ARHGAP22: variants seen among roughly 807,000 people sequenced by gnomAD.
ARHGAP22 encodes the protein rho GTPase-activating protein 22.
A neutral mutation model predicts 59.1 loss-of-function variants in ARHGAP22; 48 were observed. The ratio of observed to expected loss-of-function variants is 0.81; its 90% CI spans 0.64 to 1.03. The LOEUF is 1.03. Among genes scored for constraint, ARHGAP22 ranks in the 50% least tolerant of loss-of-function variants. ARHGAP22 has a pLI of 0.00. For synonymous variants in ARHGAP22, 445 were observed against 416.4 expected (o/e 1.07, Z -0.84); for missense variants, 1,015 against 958.7 (o/e 1.06, Z -0.78).
chr10:48,624,366 G>A (rs1268344750), intron 1 of ARHGAP22: 1 of 152,264 alleles, frequency 6.6e-6, no homozygotes. Flanking sequence ...GCTTGAACTT[G>A]GGAGGCAGAG....
downstream of ARHGAP22, chr10:48,444,385 C>CAGAT (rs1401133088): frequency 6.6e-6 from 1 of 152,214 alleles, no homozygotes; most frequent in African/African-American, 2.4e-5. Flanking sequence ...AGATGTTTTA[C>CAGAT]AGATAAGATG....
At chr10:48,626,212 A>G (rs1448955436) in intron 1 of ARHGAP22, among the ~76,000 whole-genome samples, 1 of 152,154 alleles carries the variant, frequency 6.6e-6, no homozygotes, top group African/African-American at 2.4e-5. Flanking sequence ...AGACTCACCC[A>G]GGGGGCTTTC....
chr10:48,539,587 G>A (rs969850297), intron 3 of ARHGAP22, among the ~76,000 whole-genome samples: 4 of 152,074 alleles, frequency 2.6e-5, no homozygotes, highest in Admixed American at 6.5e-5. Flanking sequence ...CACCACGCCC[G>A]GCCAACATTT....
At chr10:48,452,531 C>T (rs930821609) in intron 8 of ARHGAP22, among the ~76,000 whole-genome samples, 4 of 152,234 alleles carry the variant, frequency 2.6e-5, no homozygotes, top group East Asian at 1.9e-4. Flanking sequence ...AAAAGCACTC[C>T]GCCACGTCCC....
intron 3 of ARHGAP22, among the ~76,000 whole-genome samples, chr10:48,486,971 G>A (rs1417563325): frequency 6.6e-6 from 1 of 152,080 alleles, no homozygotes; most frequent in African/African-American, 2.4e-5. Flanking sequence ...TTGATGTTTT[G>A]TGTCTTTTTT....
chr10:48,496,012 G>A (rs1213346457), intron 3 of ARHGAP22, among the ~76,000 whole-genome samples: 1 of 152,112 alleles, frequency 6.6e-6, no homozygotes, highest in African/African-American at 2.4e-5. Context: ...GCCTTCAGAT[G>A]AGCCCACAGT....
upstream of ARHGAP22, among the ~76,000 whole-genome samples, chr10:48,608,477 T>G (rs552283805): frequency 6.6e-6 from 1 of 152,298 alleles, no homozygotes; most frequent in South Asian, 2.1e-4. Flanking sequence ...GCTTCCCCTG[T>G]TCCAGAAGCT....
intron 2 of ARHGAP22, among the ~76,000 whole-genome samples, chr10:48,576,101 A>T (rs1345111732): frequency 6.6e-6 from 1 of 152,182 alleles, no homozygotes; most frequent in East Asian, 1.9e-4. Context: ...CCACATCTGC[A>T]TTTTGTGTTC....
upstream of ARHGAP22, among the ~76,000 whole-genome samples, chr10:48,608,807 A>C (rs372160223): frequency 3.3e-5 from 5 of 152,366 alleles, 1 homozygote; most frequent in African/African-American, 1.2e-4. Flanking sequence ...TTTAGCAAGA[A>C]CATCATTAGA....
At position 48,584,925 on chromosome 10, in the gene ARHGAP22, C is replaced by T. The variant is rs530083181; in HGVS notation, c.35-1773G>A. ...AGGAGAATGGCCTGAATCCGGGAGG[C>T]GGAGCTTGCAGTGAGCTGAGATTGC... On this transcript the variant is annotated intron_variant, in intron 1 of 9. Coordinates refer to ENST00000249601, the MANE Select transcript of ARHGAP22 (RefSeq NM_021226.4). Among the ~76,000 whole-genome samples the T allele has an allele frequency of 6.3e-4, 94 of 149,830 alleles. 2 individuals carry two copies. In the South Asian group the frequency reaches 0.019, roughly 31 times the overall value.
At chr10:48,614,856 C>G (rs769299646) in intron 1 of ARHGAP22, among the ~76,000 whole-genome samples, 9 of 152,196 alleles carry the variant, frequency 5.9e-5, no homozygotes, top group Non-Finnish European at 1.3e-4. Flanking sequence ...TTTGTTTTGA[C>G]CTATTTGGTA....
intron 1 of ARHGAP22, among the ~76,000 whole-genome samples, chr10:48,586,448 A>T (rs2059428603): frequency 6.6e-6 from 1 of 152,162 alleles, no homozygotes; most frequent in Non-Finnish European, 1.5e-5. Context: ...GGATTAGGAT[A>T]ATGGAGATGG....
intron 3 of ARHGAP22, among the ~76,000 whole-genome samples, chr10:48,544,121 A>C (rs1298663098): frequency 2.1e-5 from 3 of 144,108 alleles, no homozygotes; most frequent in Non-Finnish European, 3.1e-5. Flanking sequence ...AGACTCCGTC[A>C]AAAAAAAAAA....
In ARHGAP22 at chr10:48,450,490, A is replaced by T. The variant is rs532024067; in HGVS notation, c.1639T>A (p.Trp547Arg). ...GGGAGCGGGGAGGGCTCCAGGGCCC[A>T]GTCGGTGTGCAGGGAACTGCGGGCA... ...SSARSSLHTD[W>R]ALEPSPLPSS... is the part of the protein sequence containing the mutation. Residue 547 changes from tryptophan (W) to arginine (R), a missense_variant, in exon 9 of 10, where the codon TGG becomes AGG. Coordinates refer to ENST00000249601, the MANE Select transcript of ARHGAP22 (RefSeq NM_021226.4). 18 of 1,533,442 alleles carry T rather than the reference A, an allele frequency of 1.2e-5. 1 individual carries two copies. In the South Asian group the frequency reaches 2.0e-4, roughly 17 times the overall value. The allele number at this position is 1,533,442 out of a possible 1,614,324, so 95.0% of individuals were successfully genotyped here.
chr10:48,552,522 G>C (rs541887359), intron 3 of ARHGAP22, among the ~76,000 whole-genome samples: 1 of 152,236 alleles, frequency 6.6e-6, no homozygotes, highest in Admixed American at 6.5e-5. Context: ...CATTTACCCC[G>C]GGGGCTGTGC....
At chr10:48,611,433 G>A (rs762586035) in intron 1 of ARHGAP22, among the ~76,000 whole-genome samples, 2 of 152,090 alleles carry the variant, frequency 1.3e-5, no homozygotes, top group South Asian at 2.1e-4. Flanking sequence ...GGGGGAGGTC[G>A]CTGCATCAGC....
the ARHGAP22 span, among the ~76,000 whole-genome samples, chr10:48,433,153 A>G: frequency 1.3e-5 from 2 of 152,200 alleles, no homozygotes; most frequent in African/African-American, 2.4e-5. Flanking sequence ...TACCATTCAG[A>G]TATTTGAGAA....
chr10:48,518,853 T>C (rs1289611721), intron 3 of ARHGAP22, among the ~76,000 whole-genome samples: 1 of 152,068 alleles, frequency 6.6e-6, no homozygotes, highest in East Asian at 1.9e-4. Flanking sequence ...AAGATTCAAG[T>C]GCACTTTGGA....
intron 3 of ARHGAP22, among the ~76,000 whole-genome samples, chr10:48,528,945 C>T (rs963751930): frequency 5.3e-5 from 8 of 152,274 alleles, no homozygotes; most frequent in South Asian, 2.1e-4. Flanking sequence ...TTGTACAGCC[C>T]GCAGAACTTT....
Sources: allele counts gnomAD v4.1 joint callset (sites outside exome capture counted in the v4.1 genomes callset), GRCh38; gene constraint gnomAD v4.1.1; transcripts MANE v1.5; gene names NCBI Gene and HGNC (gene_info 2026-07-23, HGNC 2026-07-21).